CACNA1C: variants seen among roughly 807,000 people sequenced by gnomAD.
CACNA1C encodes the protein voltage-dependent L-type calcium channel subunit alpha-1C.
In CACNA1C, 30 loss-of-function variants were observed where a neutral mutation model predicts 229.0. The ratio of observed to expected loss-of-function variants is 0.13; its 90% confidence interval spans 0.10 to 0.18. CACNA1C has a LOEUF of 0.18. Among genes scored for constraint, CACNA1C ranks in the 10% least tolerant of loss-of-function variants. The pLI, the probability that CACNA1C is intolerant of heterozygous loss-of-function variation, is 1.00. For missense variants in CACNA1C, 1,658 were observed against 2,845.0 expected, an observed-to-expected ratio of 0.58 and a Z score of 9.49; for synonymous variants, 1,114 against 1,132.5, an observed-to-expected ratio of 0.98 and a Z score of 0.33.
At chr12:2,129,306 A>G (rs1169136866) in intron 3 of CACNA1C, among the ~76,000 whole-genome samples, 1 of 152,180 alleles carries the variant, frequency 6.6e-6, no homozygotes, top group Non-Finnish European at 1.5e-5. Context: ...GCTTCATCTC[A>G]TGGTCATAAA....
chr12:2,616,650 CCA>C (rs1418164369), intron 29 of CACNA1C, among the ~76,000 whole-genome samples: 1 of 152,276 alleles, frequency 6.6e-6, no homozygotes, highest in Non-Finnish European at 1.5e-5. Context: ...ACACTCTTTT[CCA>C]CAGTCGATTG....
At chr12:1,993,198 G>A (rs774442508) in intron 1 of CACNA1C, 10 of 1,607,582 alleles carry the variant, frequency 6.2e-6, no homozygotes, top group Non-Finnish European at 8.5e-6. Flanking sequence ...GGCAAACACT[G>A]TACAATTTTA....
chr12:2,232,544 A>AT (rs2065757506), intron 3 of CACNA1C, among the ~76,000 whole-genome samples: 1 of 152,036 alleles, frequency 6.6e-6, no homozygotes, highest in Non-Finnish European at 1.5e-5. Flanking sequence ...TAAAGCTGCT[A>AT]TTTCCCCACT....
At chr12:2,644,829 C>T (rs145333815) in intron 30 of CACNA1C, among the ~76,000 whole-genome samples, 37 of 152,334 alleles carry the variant, frequency 2.4e-4, no homozygotes, top group Non-Finnish European at 4.7e-4. Context: ...TCATTAGCTG[C>T]CCTGCACCAC....
intron 9 of CACNA1C, among the ~76,000 whole-genome samples, chr12:2,532,400 C>G (rs954721734): frequency 1.3e-5 from 2 of 152,194 alleles, no homozygotes; most frequent in Non-Finnish European, 2.9e-5. Context: ...CTTGGTCACT[C>G]CCATCTGCAA....
chr12:2,367,164 C>T (rs1191125794), intron 3 of CACNA1C, among the ~76,000 whole-genome samples: 1 of 152,196 alleles, frequency 6.6e-6, no homozygotes, highest in Non-Finnish European at 1.5e-5. Context: ...AGCTGTTCCA[C>T]CTCAGATCAT....
chr12:2,299,948 TAGATACTC>T (rs2094425681), intron 3 of CACNA1C, among the ~76,000 whole-genome samples: 1 of 152,234 alleles, frequency 6.6e-6, no homozygotes, highest in Admixed American at 6.5e-5. Flanking sequence ...TGGCACATTG[TAGATACTC>T]AGTGTGTTCA....
chr12:2,255,581 G>A (rs1025364439), intron 3 of CACNA1C, among the ~76,000 whole-genome samples: 3 of 152,204 alleles, frequency 2.0e-5, no homozygotes, highest in Non-Finnish European at 4.4e-5. Flanking sequence ...CAGCCAGAAG[G>A]GGCACTTCCC....
chr12:2,571,728 G>A (rs957739303), intron 13 of CACNA1C, among the ~76,000 whole-genome samples: 1 of 152,168 alleles, frequency 6.6e-6, no homozygotes, highest in Admixed American at 6.5e-5. Flanking sequence ...GGCAAAGGCC[G>A]TCATCTTCCT....
At chr12:2,430,602 C>T (rs1285915368) in intron 3 of CACNA1C, among the ~76,000 whole-genome samples, 6 of 152,136 alleles carry the variant, frequency 3.9e-5, no homozygotes, top group Non-Finnish European at 2.9e-5. Flanking sequence ...GTATGAGACC[C>T]AATGCTGGCA....
chr12:2,471,787 A>G (rs1047429150), intron 5 of CACNA1C, among the ~76,000 whole-genome samples: 6 of 152,240 alleles, frequency 3.9e-5, no homozygotes, highest in African/African-American at 1.4e-4. Flanking sequence ...GGTTCAAGCA[A>G]TTCTCTGCCT....
intron 2 of CACNA1C, 40 bp downstream of exon 2, chr12:2,115,585 T>A: frequency 6.3e-7 from 1 of 1,590,772 alleles, no homozygotes; most frequent in Non-Finnish European, 8.6e-7. Flanking sequence ...TCCTGGGACC[T>A]GCACGCTGGG....
In CACNA1C at chr12:2,486,193, G is replaced by A. The variant is rs1325179357; in HGVS notation, c.847G>A (p.Ala283Thr). 1.2e-6 allele frequency: 2 copies of A among 1,613,642 alleles called. No homozygotes were observed. The highest frequency in any genetic ancestry group is 1.7e-6 in the Non-Finnish European group (2 of 1,179,736). Reference sequence around the variant, plus strand: ...TGTGCTGTTTGTCATCATCATCTACGCCATCATCGGCTTGGAGCTCTTCAT... The same window carrying A: ...TGTGCTGTTTGTCATCATCATCTACACCATCATCGGCTTGGAGCTCTTCAT... ...LLVLFVIIIY[A>T]IIGLELFMGK... Residue 283 changes from alanine to threonine, a missense_variant, in exon 6 of 47, where the codon GCC becomes ACC. Physicochemically the swap from Ala to Thr is moderately conservative, Grantham distance 58 (BLOSUM62 0). Transcript: ENST00000399655. The surrounding 1 kb of genome is among the most constrained non-coding windows in gnomAD (Gnocchi z 4.9).
rs1204656319 is a variant in CACNA1C, at chr12:2,467,617, C to T, written c.757+9911C>T. On this transcript the variant is annotated intron_variant, in intron 5 of 46. Coordinates refer to ENST00000399655, the MANE Select transcript of CACNA1C (RefSeq NM_000719.7). This position sits in a 1 kb window ranked among gnomAD's most constrained non-coding sequence, Gnocchi z 4.6. ...GGGTGGCGGGGGGCCCTTCACACTGCAGGAGGCTTGCCTCTAAGAAACAGA... is the reference window on the plus strand; with the variant it reads ...GGGTGGCGGGGGGCCCTTCACACTGTAGGAGGCTTGCCTCTAAGAAACAGA... 6.6e-6 allele frequency among the ~76,000 whole-genome samples: 1 copy of T among 152,172 alleles called. No individual in the cohort carries two copies. Among genetic ancestry groups the T allele is most frequent in the Non-Finnish European group, 1.5e-5 (1 of 68,024 alleles).
chr12:2,314,422 C>T (rs2154488768), intron 3 of CACNA1C, among the ~76,000 whole-genome samples: 2 of 152,306 alleles, frequency 1.3e-5, no homozygotes, highest in South Asian at 2.1e-4. Context: ...CATGAATTCT[C>T]ACCTCGTGCA....
chr12:2,627,530 G>T (rs1279566863), intron 29 of CACNA1C, among the ~76,000 whole-genome samples: 1 of 151,968 alleles, frequency 6.6e-6, no homozygotes, highest in Non-Finnish European at 1.5e-5. Flanking sequence ...GTTTCCAGGA[G>T]CTGGGCACAG....
intron 3 of CACNA1C, among the ~76,000 whole-genome samples, chr12:2,425,492 T>A (rs1488854243): frequency 6.6e-6 from 1 of 152,184 alleles, no homozygotes; most frequent in Non-Finnish European, 1.5e-5. Context: ...GAAAATAAAA[T>A]TATCGAGATT....
chr12:2,152,851 G>A lies in CACNA1C; in HGVS notation c.477+32421G>A, dbSNP rs1014788849. Among the ~76,000 whole-genome samples, 4 of 152,160 alleles carry A rather than the reference G, an allele frequency of 2.6e-5. No homozygotes were observed. Among genetic ancestry groups the A allele is most frequent in the Admixed American group, 6.5e-5 (1 of 15,276 alleles). On this transcript the variant is annotated intron_variant, in intron 3 of 46. Transcript: ENST00000399655. This position sits in a 1 kb window ranked among gnomAD's most constrained non-coding sequence, Gnocchi z 4.2. ...CCCACAGGACTGGTGTGCCCGGTAG[G>A]AAAGATTGGTAGGTCCCACTGGTCC...
chr12:2,600,368 A>T (rs1437341661), intron 21 of CACNA1C, among the ~76,000 whole-genome samples: 1 of 152,226 alleles, frequency 6.6e-6, no homozygotes, highest in Non-Finnish European at 1.5e-5. Context: ...AATGGAAAGA[A>T]TTAGGTTGCA....
Sources: gnomAD v4.1 joint callset for allele counts (sites outside exome capture counted in the v4.1 genomes callset) on GRCh38, gnomAD v4.1.1 for gene constraint, Gnocchi (gnomAD v3.1) non-coding constraint, MANE v1.5 for transcripts, NCBI Gene and HGNC (gene_info 2026-07-23, HGNC 2026-07-21) for gene names.